CSMD3: variants seen among roughly 807,000 people sequenced by gnomAD.
The protein encoded by CSMD3 is CUB and sushi domain-containing protein 3.
In CSMD3, 177 loss-of-function variants were observed where a neutral mutation model predicts 435.2. The observed-to-expected ratio is 0.41, with a 90% confidence interval of 0.36 to 0.46. The LOEUF (loss-of-function observed/expected upper bound fraction) is 0.46. Among genes scored for constraint, CSMD3 ranks in the 20% least tolerant of loss-of-function variants. The probability of loss-of-function intolerance (pLI) is 0.34; values close to 1 mark genes in which losing one functional copy is unlikely to be tolerated. For synonymous variants in CSMD3, 1,656 were observed against 1,520.5 expected, an observed-to-expected ratio of 1.09 and a Z score of -2.07; for missense variants, 4,265 against 4,504.6, an observed-to-expected ratio of 0.95 and a Z score of 1.52.
intron 12 of CSMD3, among the ~76,000 whole-genome samples, chr8:112,827,990 T>C (rs231286): frequency 0.82 from 125,539 of 152,218 alleles, 52,073 homozygotes; most frequent in African/African-American, 0.91. Context: ...CAAATAATGA[T>C]AGGAAAAAAG....
At chr8:113,149,430 G>A (rs2131775344) in intron 4 of CSMD3, among the ~76,000 whole-genome samples, 1 of 151,716 alleles carries the variant, frequency 6.6e-6, no homozygotes, top group Non-Finnish European at 1.5e-5. Flanking sequence ...ACTGCTTGTG[G>A]AAAAATTCAA....
rs182736959 is a variant in CSMD3 at position 113,007,584 on chromosome 8, A to G, written c.1030+11483T>C. Among the ~76,000 whole-genome samples, 142 of 152,068 alleles carry G rather than the reference A, an allele frequency of 9.3e-4. 1 individual carries two copies. Among genetic ancestry groups the G allele is most frequent in the Non-Finnish European group, 4.0e-4 (27 of 67,936 alleles). On this transcript the variant is annotated intron_variant, in intron 6 of 70. Coordinates refer to ENST00000297405, the MANE Select transcript of CSMD3 (RefSeq NM_198123.2). The stretch of plus-strand genomic sequence containing the variant: ...CTTCTATCCTCAAGAACTGTAAGAT[A>G]TATATTTCTGTTGTGTAAGCCACCC...
chr8:112,431,252 A>C (rs776491566), intron 32 of CSMD3, among the ~76,000 whole-genome samples: 1 of 152,144 alleles, frequency 6.6e-6, no homozygotes, highest in Non-Finnish European at 1.5e-5. Context: ...AAATATAAAA[A>C]TTAATTTTTA....
chr8:113,211,669 A>G (rs546166049), intron 3 of CSMD3, among the ~76,000 whole-genome samples: 177 of 152,284 alleles, frequency 1.2e-3, no homozygotes, highest in African/African-American at 4.1e-3. Flanking sequence ...AGCCTGGATG[A>G]CAGAGGAAGA....
At chr8:112,464,295 A>C (rs75044413) in intron 32 of CSMD3, among the ~76,000 whole-genome samples, 4 of 151,916 alleles carry the variant, frequency 2.6e-5, no homozygotes, top group Non-Finnish European at 5.9e-5. Context: ...TCTCTGTTGT[A>C]ACAAAGAATC....
At chr8:112,721,506 G>A (rs996188793) in intron 13 of CSMD3, among the ~76,000 whole-genome samples, 2 of 152,128 alleles carry the variant, frequency 1.3e-5, no homozygotes, top group Non-Finnish European at 2.9e-5. Context: ...AACCCGGAAG[G>A]CGGAGTTTGC....
intron 13 of CSMD3, among the ~76,000 whole-genome samples, chr8:112,701,457 G>T (rs2076386905): frequency 6.6e-6 from 1 of 152,172 alleles, no homozygotes; most frequent in East Asian, 1.9e-4. Context: ...TTCTACTCAT[G>T]CCCACACTCT....
intron 5 of CSMD3, among the ~76,000 whole-genome samples, chr8:113,066,189 A>ATT (rs1278322416): frequency 6.6e-6 from 1 of 151,596 alleles, no homozygotes; most frequent in Non-Finnish European, 1.5e-5. Flanking sequence ...TGTTTGGTAT[A>ATT]TTGTGCTATA....
intron 31 of CSMD3, among the ~76,000 whole-genome samples, chr8:112,473,981 T>A (rs1434802623): frequency 6.6e-6 from 1 of 152,042 alleles, no homozygotes; most frequent in East Asian, 1.9e-4. Flanking sequence ...TCATATTTCA[T>A]CAGTATTAAA....
intron 3 of CSMD3, among the ~76,000 whole-genome samples, chr8:113,270,863 A>G (rs1350493250): frequency 6.6e-6 from 1 of 152,130 alleles, no homozygotes; most frequent in Non-Finnish European, 1.5e-5. Flanking sequence ...ATTAAGAGAT[A>G]TACCTAATGT....
At chr8:113,314,858 A>ATTAT (rs1326709091) in intron 1 of CSMD3, 65 bp from the exon 2 acceptor site, 1 of 1,131,858 alleles carries the variant, frequency 8.8e-7, no homozygotes, top group Non-Finnish European at 1.3e-6. Flanking sequence ...ATGAGATAAT[A>ATTAT]TTATTTTGAA....
At chr8:113,345,464 G>A (rs1159684520) in intron 1 of CSMD3, among the ~76,000 whole-genome samples, 1 of 152,014 alleles carries the variant, frequency 6.6e-6, no homozygotes, top group Non-Finnish European at 1.5e-5. Flanking sequence ...GTGATGTATA[G>A]GCTTGTTATT....
intron 5 of CSMD3, among the ~76,000 whole-genome samples, chr8:113,031,710 CTTG>C (rs2087117692): frequency 6.6e-6 from 1 of 151,548 alleles, no homozygotes; most frequent in African/African-American, 2.4e-5. Context: ...TGTTAATTTT[CTTG>C]TTGTAATATT....
At chr8:112,285,108 A>T (rs1243213013) in intron 58 of CSMD3, among the ~76,000 whole-genome samples, 1 of 152,024 alleles carries the variant, frequency 6.6e-6, no homozygotes, top group Non-Finnish European at 1.5e-5. Flanking sequence ...AAAAATATTA[A>T]TTCTATTGTA....
At chr8:112,259,638 C>T (rs1389345970) in intron 61 of CSMD3, among the ~76,000 whole-genome samples, 1 of 151,984 alleles carries the variant, frequency 6.6e-6, no homozygotes, top group Non-Finnish European at 1.5e-5. Flanking sequence ...AGTAAAGTAA[C>T]ACAAGTATAA....
chr8:112,299,050 T>C (rs765073107), intron 53 of CSMD3, among the ~76,000 whole-genome samples: 15 of 152,128 alleles, frequency 9.9e-5, no homozygotes, highest in Non-Finnish European at 1.9e-4. Context: ...AAATTACAGA[T>C]ATGCACAACA....
chr8:113,060,800 G>A (rs2088579442), intron 5 of CSMD3, among the ~76,000 whole-genome samples: 1 of 152,104 alleles, frequency 6.6e-6, no homozygotes, highest in Admixed American at 6.6e-5. Flanking sequence ...TAAAAAATTG[G>A]AGAAAAGCAT....
chr8:112,708,735 C>A (rs1479282473), intron 13 of CSMD3, among the ~76,000 whole-genome samples: 4 of 140,348 alleles, frequency 2.9e-5, no homozygotes, highest in South Asian at 2.2e-4. Context: ...AAAAAACCTA[C>A]AAAAAAAAAT....
At chr8:112,467,919 C>T (rs576281664) in intron 32 of CSMD3, among the ~76,000 whole-genome samples, 4 of 152,208 alleles carry the variant, frequency 2.6e-5, no homozygotes, top group Admixed American at 2.6e-4. Flanking sequence ...TGATTTCAGG[C>T]ATCCAGTCTC....
Sources: allele counts gnomAD v4.1 joint callset (sites outside exome capture counted in the v4.1 genomes callset), GRCh38; gene constraint gnomAD v4.1.1; transcripts MANE v1.5; gene names NCBI Gene and HGNC (gene_info 2026-07-23, HGNC 2026-07-21).